Variants in IL3RA observed in about 807,000 individuals in gnomAD.
IL3RA encodes interleukin-3 receptor subunit alpha.
Under a neutral mutation model 52.3 loss-of-function variants are expected in IL3RA, and 73 were observed. That is an observed-to-expected ratio of 1.40 (90% CI 1.16 to 1.70). IL3RA has a LOEUF of 1.70. IL3RA is among the 40% of genes most tolerant of loss of function. The probability of loss-of-function intolerance (pLI) is 0.00; values close to 1 mark genes in which losing one functional copy is unlikely to be tolerated. For missense variants in IL3RA, 664 were observed against 504.4 expected, an observed-to-expected ratio of 1.32 and a Z score of -3.03; for synonymous variants, 260 against 194.0, an observed-to-expected ratio of 1.34 and a Z score of -2.83.
chrX:1,357,622 A>G (rs1214388531), intron 7 of IL3RA, among the ~76,000 whole-genome samples: 1 of 151,760 alleles, frequency 6.6e-6, no homozygotes, highest in Admixed American at 6.6e-5. Flanking sequence ...TCAGCTTCCC[A>G]AAGTGCTGGG....
intron 3 of IL3RA, 45 bp from the exon 4 acceptor site, chrX:1,348,386 A>C: frequency 1.4e-6 from 2 of 1,429,156 alleles, no homozygotes; most frequent in East Asian, 2.3e-5. Context: ...GCGTCAAATT[A>C]AGCATGGTCT....
chrX:1,377,544 A>C (rs746134979), intron 9 of IL3RA, among the ~76,000 whole-genome samples: 57 of 151,870 alleles, frequency 3.8e-4, no homozygotes, highest in Middle Eastern at 6.8e-3. Flanking sequence ...CGCCCGGCCA[A>C]ATTCCTTTTT....
intron 6 of IL3RA, among the ~76,000 whole-genome samples, chrX:1,355,797 AG>A (rs1314127022): frequency 1.4e-5 from 2 of 147,058 alleles, no homozygotes; most frequent in Non-Finnish European, 3.0e-5. Flanking sequence ...AGGTGGGCAG[AG>A]GGGGCATGGG....
In IL3RA at chrX:1,348,532, C is replaced by G. The variant is rs1325319241; in HGVS notation, c.285C>G (p.Leu95=). Residue 95 remains leucine, a synonymous_variant, in exon 4 of 12, where the codon CTC becomes CTG. Coordinates refer to ENST00000331035, the MANE Select transcript of IL3RA (RefSeq NM_002183.4). ...ACCCACCATTCTCCACGTGGATCCT[C>G]TTCCCTGAGAACAGTGAGAAAAATG... ...VANPPFSTWI[L]FPENSGKPWA... is the part of the protein sequence containing the mutation. The G allele has an allele frequency of 1.2e-6, 2 of 1,612,622 alleles. No individual in the cohort carries two copies. Among genetic ancestry groups the G allele is most frequent in the African/African-American group, 2.7e-5 (2 of 74,870 alleles).
At chrX:1,365,366 CCG>C in intron 9 of IL3RA, 114 bp downstream of exon 9, 1 of 311,198 alleles carries the variant, frequency 3.2e-6, no homozygotes, top group South Asian at 5.2e-5. Context: ...GCGGGGTGAG[CCG>C]GGTGCGCGGG....
chrX:1,356,015 T>G (rs1487044214), intron 6 of IL3RA, among the ~76,000 whole-genome samples: 1 of 151,992 alleles, frequency 6.6e-6, no homozygotes, highest in Non-Finnish European at 1.5e-5. Context: ...CAAGGCTCAC[T>G]CCTCCCAGTG....
At chrX:1,351,867 T>G (rs2086099990) in intron 4 of IL3RA, among the ~76,000 whole-genome samples, 1 of 152,002 alleles carries the variant, frequency 6.6e-6, no homozygotes, top group African/African-American at 2.4e-5. Flanking sequence ...GGACCTCGGG[T>G]GATCCACCTG....
chrX:1,367,801 G>C lies in IL3RA; in HGVS notation c.874+2549G>C, dbSNP rs1291390559. Among the ~76,000 whole-genome samples, 4 of 144,198 alleles carry C rather than the reference G, an allele frequency of 2.8e-5. No homozygotes were observed. The East Asian group carries it at 8.0e-4, about 29-fold the overall frequency. The allele number at this position is 144,198 out of a possible 152,430, so 94.6% of individuals were successfully genotyped here. On this transcript the variant is annotated intron_variant, in intron 9 of 11. Transcript: ENST00000331035. ...GTGCGCGGGCTGAGCGGGGTGCGCC[G>C]GGTGAGCGGGGTGCGCGGGGTGAGC... is the stretch of plus-strand genomic sequence containing the variant.
intron 3 of IL3RA, among the ~76,000 whole-genome samples, chrX:1,345,771 C>G (rs28546234): frequency 2.0e-5 from 3 of 151,404 alleles, no homozygotes; most frequent in African/African-American, 2.4e-5. Flanking sequence ...ATTACAGGCG[C>G]GAGTCACCGC....
At chrX:1,354,299 G>T (rs2086445118) in intron 6 of IL3RA, among the ~76,000 whole-genome samples, 1 of 152,050 alleles carries the variant, frequency 6.6e-6, no homozygotes, top group Admixed American at 6.6e-5. Flanking sequence ...GGGACAGAAG[G>T]ACACACACTT....
rs767691749 is a variant in IL3RA, at chrX:1,352,380, G to A, written c.490G>A (p.Gly164Arg). 4.5e-5 allele frequency: 73 copies of A among 1,613,736 alleles called. No homozygotes were observed. Among genetic ancestry groups the A allele is most frequent in the Non-Finnish European group, 5.4e-5 (64 of 1,179,872 alleles). Residue 164 changes from glycine to arginine, a missense_variant, in exon 6 of 12, where the codon GGG becomes AGG. Gly to Arg is a moderately radical substitution (Grantham distance 125). Transcript: ENST00000331035. ...YKTDAQGTRI[G>R]CRFDDISRLS... ...AACGGATGCTCAGGGAACACGTATC[G>A]GGTGTCGTTTCGATGACATCTCTCG...
At chrX:1,362,148 T>TTCTC (rs377580272) in intron 8 of IL3RA, among the ~76,000 whole-genome samples, 1,439 of 131,026 alleles carry the variant, frequency 0.011, 24 homozygotes, top group African/African-American at 0.044. Context: ...GTTTCTGTTT[T>TTCTC]TCTGTTTTTC....
intron 8 of IL3RA, among the ~76,000 whole-genome samples, chrX:1,360,902 T>C (rs866973649): frequency 9.7e-5 from 13 of 133,554 alleles, no homozygotes; most frequent in East Asian, 2.1e-4. Context: ...CCTTCCCCTC[T>C]CTGTCTCTCT....
chrX:1,346,205 G>A (rs1197099149), intron 3 of IL3RA, among the ~76,000 whole-genome samples: 2 of 151,916 alleles, frequency 1.3e-5, no homozygotes, highest in Non-Finnish European at 2.9e-5. Context: ...TTGAGAGGCT[G>A]AGGCGGATGG....
chrX:1,341,981 C>T, intron 2 of IL3RA, 152 bp downstream of exon 2: 2 of 799,696 alleles, frequency 2.5e-6, no homozygotes, highest in Admixed American at 2.3e-5. Context: ...AGACACTTCC[C>T]TGTACCCGTC....
intron 9 of IL3RA, among the ~76,000 whole-genome samples, chrX:1,366,246 G>T (rs1274402250): frequency 2.3e-5 from 1 of 42,594 alleles, no homozygotes; most frequent in Non-Finnish European, 3.9e-5. Flanking sequence ...GGGGTGCGCG[G>T]GGTGAGCCGG....
At chrX:1,345,508 G>T in intron 3 of IL3RA, 74 bp downstream of exon 3, 1 of 1,072,658 alleles carries the variant, frequency 9.3e-7, no homozygotes, top group Non-Finnish European at 1.3e-6. Flanking sequence ...TTTATTTTTT[G>T]AGACGGAGTC....
intron 9 of IL3RA, among the ~76,000 whole-genome samples, chrX:1,367,239 C>A (rs868412585): frequency 1.1e-4 from 3 of 27,038 alleles, no homozygotes; most frequent in African/African-American, 6.7e-4. Flanking sequence ...GCGCGGGGTG[C>A]GCGGGGTGCG....
intron 7 of IL3RA, 76 bp from the exon 8 acceptor site, chrX:1,358,785 G>A: frequency 6.4e-7 from 1 of 1,555,226 alleles, no homozygotes; most frequent in Non-Finnish European, 8.9e-7. Flanking sequence ...CCTGGAGGGA[G>A]AAATTTGAGT....
Sources: gnomAD v4.1 joint callset for allele counts (sites outside exome capture counted in the v4.1 genomes callset) on GRCh38, gnomAD v4.1.1 for gene constraint, MANE v1.5 for transcripts, NCBI Gene and HGNC (gene_info 2026-07-23, HGNC 2026-07-21) for gene names.